ZNF850: variants seen among roughly 807,000 people sequenced by gnomAD.
ZNF850 encodes zinc finger protein 850.
A neutral mutation model predicts 11.9 loss-of-function variants in ZNF850; 2 were observed. The observed-to-expected ratio is 0.17, with a 90% CI of 0.07 to 0.53. The LOEUF is 0.53. Ranked by LOEUF, ZNF850 falls within the 20% of genes least tolerant of loss-of-function variation. The pLI, the probability that ZNF850 is intolerant of heterozygous loss-of-function variation, is 0.94. For missense variants in ZNF850, 1,014 were observed against 1,316.4 expected, an observed-to-expected ratio of 0.77 and a Z score of 3.55; for synonymous variants, 381 against 443.0, an observed-to-expected ratio of 0.86 and a Z score of 1.76.
chr19:36,747,455 C>T lies in ZNF850; in HGVS notation c.*312G>A, dbSNP rs897635612. The T allele has an allele frequency of 4.3e-5, 9 of 211,610 alleles. No homozygotes were observed. Among genetic ancestry groups the T allele is most frequent in the Non-Finnish European group, 8.6e-5 (9 of 104,618 alleles). 13.1% of individuals were successfully genotyped at this position (211,610 alleles called of 1,614,324 possible). On this transcript the variant is annotated 3_prime_UTR_variant, in exon 5 of 5. Transcript: ENST00000591344. ...CCATCCTGGCTAACACAGTGAAACC[C>T]TGTCTCTACTAAAAATACAAAAACA...
At position 36,745,003 on chromosome 19, in the gene ZNF850, C is replaced by G. The variant is rs2040403063; in HGVS notation, c.*2764G>C. The G allele has an allele frequency of 6.6e-6, 1 of 152,166 alleles. No homozygotes were observed. 9.4% of individuals were successfully genotyped at this position (152,166 alleles called of 1,614,324 possible). ...GCGTGGTGGCGGGCACCTGTAGTCA[C>G]AGCTACTAGGGAGGCTGAGGCAGGA... On this transcript the variant is annotated 3_prime_UTR_variant, in exon 5 of 5. Transcript: ENST00000591344.
At position 36,750,594 on chromosome 19, in the gene ZNF850, G is replaced by A. The variant is rs1283196668; in HGVS notation, c.446C>T (p.Pro149Leu). Residue 149 changes from proline to leucine, a missense_variant, in exon 5 of 5, where the codon CCA becomes CTA. Physicochemically the swap from Pro to Leu is moderately conservative, Grantham distance 98. Transcript: ENST00000591344. ...EKAIMTYETT[P>L]TFCLQTSLTL... is the part of the protein sequence containing the mutation. ...GAGAGATGTCTGTAGGCAGAAAGTT[G>A]GTGTTGTTTCATAAGTCATTATTGC... is the stretch of plus-strand genomic sequence containing the variant. 5.9e-6 allele frequency: 9 copies of A among 1,535,958 alleles called. No homozygotes were observed. The highest frequency in any genetic ancestry group is 1.2e-5 in the South Asian group (1 of 84,064).
intron 1 of ZNF850, among the ~76,000 whole-genome samples, chr19:36,768,364 T>C (rs966808018): frequency 5.9e-5 from 9 of 152,298 alleles, no homozygotes; most frequent in African/African-American, 2.2e-4. Flanking sequence ...TCAATACTTC[T>C]CTTTCCAAAA....
chr19:36,746,366 C>G lies in ZNF850; in HGVS notation c.*1401G>C, dbSNP rs1005291297. 6.6e-6 allele frequency: 1 copy of G among 152,176 alleles called. No homozygotes were observed. Among genetic ancestry groups the G allele is most frequent in the Non-Finnish European group, 1.5e-5 (1 of 68,034 alleles). The allele number at this position is 152,176 out of a possible 1,614,324, so 9.4% of individuals were successfully genotyped here. A position where few individuals can be genotyped will look rare whatever the true frequency, so the allele number is the denominator to read the frequency against. On this transcript the variant is annotated 3_prime_UTR_variant, in exon 5 of 5. Coordinates refer to ENST00000591344, the MANE Select transcript of ZNF850 (RefSeq NM_001193552.2). ...TTAATTGATAAACATGGTGTGTGTT[C>G]TGACTACAAACTTAATTGATAAACA...
At chr19:36,758,325 G>T (rs2040499189) in intron 4 of ZNF850, among the ~76,000 whole-genome samples, 1 of 152,064 alleles carries the variant, frequency 6.6e-6, no homozygotes, top group Non-Finnish European at 1.5e-5. Context: ...AAAAATTAAA[G>T]GCAAAACATT....
At chr19:36,753,290 A>G (rs1240311153) in intron 4 of ZNF850, among the ~76,000 whole-genome samples, 1 of 149,510 alleles carries the variant, frequency 6.7e-6, no homozygotes, top group Non-Finnish European at 1.5e-5. Context: ...AAAAAAAAAA[A>G]AAGTAAAAGT....
Position 36,745,384 on chromosome 19 carries a change from T to C in ZNF850, c.*2383A>G, listed in dbSNP as rs1228024376. On this transcript the variant is annotated 3_prime_UTR_variant, in exon 5 of 5. Transcript: ENST00000591344. ...GAAGTGTAATTTACATATAATAAAA[T>C]GCAACCATATGTCTACATTCATGCA... is the stretch of plus-strand genomic sequence containing the variant. 1 of 152,192 alleles carries C rather than the reference T, an allele frequency of 6.6e-6. No homozygotes were observed. Among genetic ancestry groups the C allele is most frequent in the East Asian group, 1.9e-4 (1 of 5,196 alleles). 9.4% of individuals were successfully genotyped at this position (152,192 alleles called of 1,614,324 possible).
At chr19:36,766,659 A>C (rs1425418037) in intron 1 of ZNF850, among the ~76,000 whole-genome samples, 1 of 152,182 alleles carries the variant, frequency 6.6e-6, no homozygotes, top group Non-Finnish European at 1.5e-5. Context: ...GGCTGTATAG[A>C]AATTTTAATT....
Position 36,745,294 on chromosome 19 carries a change from A to T in ZNF850, c.*2473T>A, listed in dbSNP as rs888348481. ...TTTTAAACGCAAGTGTAATTTAAAT[A>T]GAATGAAATACAACAATCCGAAGTG... is the stretch of plus-strand genomic sequence containing the variant. On this transcript the variant is annotated 3_prime_UTR_variant, in exon 5 of 5. Transcript: ENST00000591344. 4.6e-5 allele frequency: 7 copies of T among 152,216 alleles called. No individual in the cohort carries two copies. The highest frequency in any genetic ancestry group is 1.7e-4 in the African/African-American group (7 of 41,448). 9.4% of individuals were successfully genotyped at this position (152,216 alleles called of 1,614,324 possible).
At chr19:36,754,164 C>G (rs1322549488) in intron 4 of ZNF850, among the ~76,000 whole-genome samples, 1 of 132,604 alleles carries the variant, frequency 7.5e-6, no homozygotes, top group Non-Finnish European at 1.6e-5. Flanking sequence ...AGAGAGAGAC[C>G]CTGTCTCAAA....
At chr19:36,758,450 G>A (rs139184854) in intron 4 of ZNF850, among the ~76,000 whole-genome samples, 268 of 151,306 alleles carry the variant, frequency 1.8e-3, no homozygotes, top group African/African-American at 6.2e-3. Context: ...GTGTGATCTC[G>A]GCTCATTGCT....
rs1046716096 is a variant in ZNF850, at chr19:36,758,648, T to C, written c.235+2995A>G. Among the ~76,000 whole-genome samples, 3 of 152,176 alleles carry C rather than the reference T, an allele frequency of 2.0e-5. No individual in the cohort carries two copies. In the East Asian group the frequency reaches 5.8e-4, roughly 29 times the overall value. On this transcript the variant is annotated intron_variant, in intron 4 of 4. Coordinates refer to ENST00000591344, the MANE Select transcript of ZNF850 (RefSeq NM_001193552.2). The stretch of plus-strand genomic sequence containing the variant: ...TTAAATGCTCTCATCTAAAATCATA[T>C]GGTTGTGGCATATCAGATCTTTTCA...
intron 1 of ZNF850, among the ~76,000 whole-genome samples, chr19:36,771,350 A>C (rs2040581444): frequency 6.6e-6 from 1 of 152,132 alleles, no homozygotes; most frequent in African/African-American, 2.4e-5. Context: ...TTAGCCCGGG[A>C]CCAATCCCAG....
intron 1 of ZNF850, among the ~76,000 whole-genome samples, chr19:36,764,515 T>C (rs760842173): frequency 4.1e-4 from 63 of 152,160 alleles, no homozygotes; most frequent in Non-Finnish European, 7.2e-4. Context: ...CTGAGAGACC[T>C]CAAGACCCAA....
In ZNF850 at chr19:36,762,360, C is replaced by G; in HGVS notation, c.84G>C (p.Gln28His). The G allele has an allele frequency of 6.3e-7, 1 of 1,589,160 alleles. No homozygotes were observed. Among genetic ancestry groups the G allele is most frequent in the Middle Eastern group, 1.7e-4 (1 of 5,882 alleles). ...TCATTACATCTCTGTATAAGTCCTT[C>G]TGAGCAGCGTCCAGGCACTCCCATT... is the stretch of plus-strand genomic sequence containing the variant. ...QEEWECLDAA[Q>H]KDLYRDVMME... The change falls in exon 3 of 5, where the codon CAG (glutamine) becomes CAC (histidine). Residue 28 changes from glutamine (Q) to histidine (H), a missense_variant. This residue lies in a region of ZNF850 where 835 missense variants were observed against 1,022.0 expected (regional missense o/e 0.82). Coordinates refer to ENST00000591344, the MANE Select transcript of ZNF850 (RefSeq NM_001193552.2).
intron 4 of ZNF850, among the ~76,000 whole-genome samples, chr19:36,760,317 C>T (rs2040510259): frequency 6.6e-6 from 1 of 151,926 alleles, no homozygotes; most frequent in Non-Finnish European, 1.5e-5. Context: ...TGTGGTGGCG[C>T]GTGCCTGTAA....
rs2145955216 is a variant in ZNF850, at chr19:36,749,356, C to CATAG, written c.1680_1683dup (p.Asp562LeufsTer2). On this transcript the variant is annotated frameshift_variant, in exon 5 of 5. Transcript: ENST00000591344. LOFTEE classifies it low-confidence loss of function (END_TRUNC). ...AAAGATTTTCCACATTCTTTACAAT[C>CATAG]ATAGGGTTTCTCACCAGTGTGAACT... is the stretch of plus-strand genomic sequence containing the variant. The CATAG allele has an allele frequency of 6.5e-7, 1 of 1,548,324 alleles. No individual in the cohort carries two copies. Among genetic ancestry groups the CATAG allele is most frequent in the African/African-American group, 1.4e-5 (1 of 72,514 alleles).
intron 4 of ZNF850, among the ~76,000 whole-genome samples, chr19:36,753,444 A>AAAAAAAAC: frequency 6.9e-6 from 1 of 145,398 alleles, no homozygotes; most frequent in Non-Finnish European, 1.5e-5. Flanking sequence ...AAAAAAAAAA[A>AAAAAAAAC]AAGCCGGGTG....
At chr19:36,760,302 C>G (rs1452909342) in intron 4 of ZNF850, among the ~76,000 whole-genome samples, 1 of 151,960 alleles carries the variant, frequency 6.6e-6, no homozygotes, top group African/African-American at 2.4e-5. Flanking sequence ...AAAAAATTAG[C>G]CAGGTGTGGT....
Sources: allele counts gnomAD v4.1 joint callset (sites outside exome capture counted in the v4.1 genomes callset), GRCh38; gene constraint gnomAD v4.1.1; regional missense constraint gnomAD v4.1.1; transcripts MANE v1.5; gene names NCBI Gene and HGNC (gene_info 2026-07-23, HGNC 2026-07-21).